Variants in DMD observed in about 807,000 individuals in gnomAD.
DMD encodes the protein mutant dystrophin.
Under a neutral mutation model 330.1 loss-of-function variants are expected in DMD, and 63 were observed. That is an observed-to-expected ratio of 0.19 (90% CI 0.16 to 0.24). DMD has a LOEUF of 0.24. Among genes scored for constraint, DMD ranks in the 10% least tolerant of loss-of-function variants. The pLI is 1.00. For missense variants in DMD, 3,344 were observed against 2,684.1 expected (o/e 1.25, Z -5.43); for synonymous variants, 1,223 against 959.8 (o/e 1.27, Z -5.07).
At position 32,444,587 on chromosome X, in the gene DMD, T is replaced by C. The variant is rs951328447; in HGVS notation, c.3787-3273A>G. Among the ~76,000 whole-genome samples the C allele has an allele frequency of 2.7e-5, 3 of 110,854 alleles. No homozygotes were observed. The Admixed American group carries it at 2.9e-4, about 11-fold the overall frequency. ...AATATGCCTAGCCTCATGGTGTATG[T>C]TTCCCATAGAGTTTATTTGCTTGAG... On this transcript the variant is annotated intron_variant, in intron 27 of 78. Coordinates refer to ENST00000357033, the MANE Select transcript of DMD (RefSeq NM_004006.3).
intron 12 of DMD, among the ~76,000 whole-genome samples, chrX:32,603,287 G>A (rs1255164707): frequency 9.0e-6 from 1 of 111,054 alleles, no homozygotes; most frequent in Admixed American, 9.6e-5. Context: ...TGAAATCAAG[G>A]AAGAAATTAA....
Position 31,289,251 on chromosome X carries a change from C to CAAA in DMD, c.9225-28238_9225-28236dup, listed in dbSNP as rs773939250. On this transcript the variant is annotated intron_variant, in intron 62 of 78. Coordinates refer to ENST00000357033, the MANE Select transcript of DMD (RefSeq NM_004006.3). The stretch of plus-strand genomic sequence containing the variant: ...CTGCACTCCAGCCTGGGTGACAGAG[C>CAAA]AAAAAAAAAAAAAATAAAAAATAAA... 9.3e-4 allele frequency among the ~76,000 whole-genome samples: 22 copies of CAAA among 23,559 alleles called. 2 individuals carry two copies. Among genetic ancestry groups the CAAA allele is most frequent in the African/African-American group, 3.9e-3 (18 of 4,557 alleles). The allele number at this position is 23,559 out of a possible 115,157, so 20.5% of individuals were successfully genotyped here.
intron 37 of DMD, among the ~76,000 whole-genome samples, chrX:32,361,079 C>G (rs894245898): frequency 4.5e-5 from 5 of 110,335 alleles, no homozygotes; most frequent in Non-Finnish European, 5.7e-5. Context: ...ACAATTTATC[C>G]AAAGATAATA....
rs190877720 is a variant in DMD, at chrX:32,769,141, T to C, written c.649+40352A>G. ...ATAGAAAAATATTAGTCACTGTAATTAGTCCATTTTCACACTGCTGATAAA... is the reference window on the plus strand; with the variant it reads ...ATAGAAAAATATTAGTCACTGTAATCAGTCCATTTTCACACTGCTGATAAA... On this transcript the variant is annotated intron_variant, in intron 7 of 78. Coordinates refer to ENST00000357033, the MANE Select transcript of DMD (RefSeq NM_004006.3). Among the ~76,000 whole-genome samples, 32 of 112,514 alleles carry C rather than the reference T, an allele frequency of 2.8e-4. 1 individual carries two copies. Among genetic ancestry groups the C allele is most frequent in the African/African-American group, 8.4e-4 (26 of 31,007 alleles).
chrX:32,237,701 G>A (rs188853880), intron 43 of DMD, among the ~76,000 whole-genome samples: 331 of 111,924 alleles, frequency 3.0e-3, no homozygotes, highest in Non-Finnish European at 5.2e-3. Flanking sequence ...AGGCATGTAA[G>A]AGTCAGTTTA....
At chrX:32,727,104 CATG>C (rs1482961629) in intron 7 of DMD, among the ~76,000 whole-genome samples, 1 of 110,888 alleles carries the variant, frequency 9.0e-6, no homozygotes, top group East Asian at 2.8e-4. Context: ...AAATTTTAGG[CATG>C]ATATCATCTT....
In DMD at chrX:32,362,995, G is replaced by A. The variant is rs759398496; in HGVS notation, c.5155-37C>T. On this transcript the variant is annotated intron_variant, in intron 36 of 78. Transcript: ENST00000357033. ...GAGCAAGAGATAGGACTTGAAGTTA[G>A]TAATTAATGAAGGTCAAGATAGAAA... is the stretch of plus-strand genomic sequence containing the variant. The A allele has an allele frequency of 3.1e-5, 36 of 1,159,187 alleles. No homozygotes were observed. In the Admixed American group the frequency reaches 3.6e-4, roughly 12 times the overall value.
intron 9 of DMD, among the ~76,000 whole-genome samples, chrX:32,650,292 T>A (rs1170481910): frequency 9.0e-6 from 1 of 111,644 alleles, no homozygotes; most frequent in Non-Finnish European, 1.9e-5. Context: ...GTTTTATTGG[T>A]CTTGAATGCA....
intron 22 of DMD, among the ~76,000 whole-genome samples, chrX:32,469,259 T>C (rs183741229): frequency 6.1e-4 from 68 of 110,913 alleles, no homozygotes; most frequent in African/African-American, 2.2e-3. Context: ...ATACTTATTC[T>C]GTATAACACA....
intron 7 of DMD, among the ~76,000 whole-genome samples, chrX:32,768,739 C>A (rs1006864254): frequency 8.9e-6 from 1 of 111,772 alleles, no homozygotes; most frequent in Non-Finnish European, 1.9e-5. Context: ...ATTAAGCTCC[C>A]CATTGAGAAG....
intron 51 of DMD, among the ~76,000 whole-genome samples, chrX:31,745,587 T>C (rs1394896861): frequency 8.9e-6 from 1 of 112,155 alleles, no homozygotes; most frequent in Non-Finnish European, 1.9e-5. Context: ...TAATTTACCT[T>C]CATGCATCTT....
At position 31,976,442 on chromosome X, in the gene DMD, C is replaced by A. The variant is rs898169659; in HGVS notation, c.6439-7928G>T. On this transcript the variant is annotated intron_variant, in intron 44 of 78. Coordinates refer to ENST00000357033, the MANE Select transcript of DMD (RefSeq NM_004006.3). ...CGATTCTGGGCAAACTCAAAGCTAG[C>A]AATCATAATCCAAACATATTTTGGG... Among the ~76,000 whole-genome samples the A allele has an allele frequency of 3.3e-4, 37 of 111,053 alleles. 1 individual carries two copies. The highest frequency in any genetic ancestry group is 3.2e-3 in the Admixed American group (33 of 10,392).
intron 9 of DMD, among the ~76,000 whole-genome samples, chrX:32,679,146 C>T (rs145165685): frequency 0.011 from 1,267 of 111,845 alleles, 15 homozygotes; most frequent in African/African-American, 0.038. Flanking sequence ...TAGGGGAGAT[C>T]AGCCAATGCT....
At chrX:33,251,825 T>C (rs780696302) in intron 1 of DMD, among the ~76,000 whole-genome samples, 4 of 106,226 alleles carry the variant, frequency 3.8e-5, no homozygotes, top group Non-Finnish European at 7.5e-5. Flanking sequence ...GGAATTCCAG[T>C]GAAATAAATA....
intron 44 of DMD, among the ~76,000 whole-genome samples, chrX:32,112,974 T>A (rs1475216525): frequency 2.7e-5 from 3 of 112,661 alleles, no homozygotes; most frequent in Non-Finnish European, 5.6e-5. Context: ...TGTTGTAATT[T>A]TACTTATCAG....
chrX:32,329,325 T>C (rs764428353), intron 41 of DMD, among the ~76,000 whole-genome samples: 1 of 112,379 alleles, frequency 8.9e-6, no homozygotes, highest in East Asian at 2.8e-4. Flanking sequence ...CCTGTGGAGA[T>C]AATGTTCACT....
intron 29 of DMD, among the ~76,000 whole-genome samples, chrX:32,418,972 CAAAAAAAAAAAAA>C (rs1160282195): frequency 3.0e-4 from 4 of 13,511 alleles, no homozygotes; most frequent in African/African-American, 6.7e-4. Flanking sequence ...GACTCTGTCT[CAAAAAAAAAAAAA>C]AAAAAAAAAA....
At chrX:33,264,790 C>T (rs771057855) in intron 1 of DMD, among the ~76,000 whole-genome samples, 1 of 110,401 alleles carries the variant, frequency 9.1e-6, no homozygotes, top group Non-Finnish European at 1.9e-5. Flanking sequence ...AAATAAGGAG[C>T]AGGTTACAAT....
intron 1 of DMD, among the ~76,000 whole-genome samples, chrX:33,170,909 C>T (rs909519970): frequency 1.8e-5 from 2 of 111,660 alleles, no homozygotes; most frequent in Admixed American, 1.9e-4. Flanking sequence ...ATTGATCCAG[C>T]ACCATTTGTT....
Sources: allele counts gnomAD v4.1 joint callset (sites outside exome capture counted in the v4.1 genomes callset), GRCh38; gene constraint gnomAD v4.1.1; transcripts MANE v1.5; gene names NCBI Gene and HGNC (gene_info 2026-07-23, HGNC 2026-07-21).